The following FAT4 variants were observed in gnomAD, a reference collection of about 807,000 sequenced individuals.
FAT4 encodes the protein protocadherin Fat 4.
A neutral mutation model predicts 303.9 loss-of-function variants in FAT4; 84 were observed. That is an observed-to-expected ratio of 0.28 (90% CI 0.23 to 0.33). FAT4 has a LOEUF of 0.33. FAT4 is among the 10% of genes least tolerant of loss of function. The pLI is 1.00. For synonymous variants in FAT4, 2,307 were observed against 2,298.8 expected (o/e 1.00, Z -0.10); for missense variants, 6,005 against 6,146.8 (o/e 0.98, Z 0.77).
Position 125,491,247 on chromosome 4 carries a change from G to C in FAT4, c.14431G>C (p.Asp4811His). 1 of 1,614,118 alleles carries C rather than the reference G, an allele frequency of 6.2e-7. No homozygotes were observed. Residue 4811 changes from aspartate to histidine, a missense_variant, in exon 18 of 18, where the codon GAC becomes CAC. By Grantham distance (81) the Asp-to-His change is moderately conservative. Coordinates refer to ENST00000394329, the MANE Select transcript of FAT4 (RefSeq NM_001291303.3). ...RPRNPSICSA[D>H]HGRSSSEEDC... ...TAGAAACCCAAGTATCTGCAGTGCA[G>C]ACCATGGGAGGTCTTCTTCAGAGGA...
chr4:125,440,606 T>TGAGAGA (rs777627667), intron 8 of FAT4, among the ~76,000 whole-genome samples: 74 of 29,736 alleles, frequency 2.5e-3, no homozygotes, highest in South Asian at 8.1e-3. Context: ...TGTGTGTGTG[T>TGAGAGA]GTGTGAGAGA....
intron 10 of FAT4, among the ~76,000 whole-genome samples, chr4:125,454,362 A>C (rs1726204970): frequency 6.6e-6 from 1 of 152,246 alleles, no homozygotes; most frequent in Non-Finnish European, 1.5e-5. Flanking sequence ...TAAATGAAGA[A>C]AAAGTGGCAG....
At chr4:125,354,752 G>GAAA (rs35163847) in intron 2 of FAT4, among the ~76,000 whole-genome samples, 73 of 135,222 alleles carry the variant, frequency 5.4e-4, no homozygotes, top group African/African-American at 1.3e-3. Flanking sequence ...AGAGTTTAAT[G>GAAA]AAAAAAAAAA....
chr4:125,487,253 G>T, intron 16 of FAT4, 92 bp from the exon 17 acceptor site: 2 of 1,170,068 alleles, frequency 1.7e-6, no homozygotes, highest in Non-Finnish European at 1.2e-6. Context: ...ATCTGCTGTG[G>T]ACTGGTCAAA....
At position 125,320,153 on chromosome 4, in the gene FAT4, T is replaced by C; in HGVS notation, c.3742T>C (p.Ser1248Pro). 6.2e-7 allele frequency: 1 copy of C among 1,614,018 alleles called. No individual in the cohort carries two copies. The highest frequency in any genetic ancestry group is 8.5e-7 in the Non-Finnish European group (1 of 1,179,916). Reference sequence around the variant, plus strand: ...AGGTAATAATGGACTTATTCACTATTCTATAATAAAAGGAAATGAAGAAAG... The same window carrying C: ...AGGTAATAATGGACTTATTCACTATCCTATAATAAAAGGAAATGAAGAAAG... ...DEGNNGLIHY[S>P]IIKGNEERQF... Residue 1248 changes from serine (S) to proline (P), a missense_variant, in exon 2 of 18, where the codon TCT becomes CCT. By Grantham distance (74) the Ser-to-Pro change is moderately conservative. Coordinates refer to ENST00000394329, the MANE Select transcript of FAT4 (RefSeq NM_001291303.3).
At chr4:125,380,891 A>G (rs1291319639) in intron 2 of FAT4, among the ~76,000 whole-genome samples, 1 of 152,232 alleles carries the variant, frequency 6.6e-6, no homozygotes, top group Non-Finnish European at 1.5e-5. Context: ...TCAGGGCAGG[A>G]AAACCTAATT....
In FAT4 at chr4:125,319,767, T is replaced by C; in HGVS notation, c.3356T>C (p.Val1119Ala). 6.2e-7 allele frequency: 1 copy of C among 1,614,234 alleles called. No individual in the cohort carries two copies. The change falls in exon 2 of 18, where the codon GTG becomes GCG. Residue 1119 changes from valine (V) to alanine (A), a missense_variant. Physicochemically the swap from Val to Ala is moderately conservative, Grantham distance 64. Transcript: ENST00000394329. The stretch of plus-strand genomic sequence containing the variant: ...GAAGAGCAGAGGGCTGGGTCGTTTG[T>C]GGGCAAAGTAAGTGCTGTAGATAAA... ...FEEEQRAGSFVGKVSAVDKDF... is the reference protein window; with the variant it reads ...FEEEQRAGSFAGKVSAVDKDF...
chr4:125,476,499 G>C (rs1387036337), intron 13 of FAT4, among the ~76,000 whole-genome samples: 1 of 152,030 alleles, frequency 6.6e-6, no homozygotes, highest in Non-Finnish European at 1.5e-5. Flanking sequence ...ATAGCCAGTA[G>C]TCTTTGGAAA....
chr4:125,483,529 G>C (rs892701483), intron 16 of FAT4, among the ~76,000 whole-genome samples: 2 of 152,148 alleles, frequency 1.3e-5, no homozygotes, highest in Non-Finnish European at 2.9e-5. Context: ...GGAAAAAGCT[G>C]AATGTCAGGA....
chr4:125,478,505 T>C (rs931560204), intron 14 of FAT4, among the ~76,000 whole-genome samples: 3 of 152,130 alleles, frequency 2.0e-5, no homozygotes, highest in African/African-American at 4.8e-5. Flanking sequence ...CTGTTAGACC[T>C]TATGTCCAGA....
chr4:125,431,871 A>G (rs939928893), intron 7 of FAT4, among the ~76,000 whole-genome samples: 7 of 151,822 alleles, frequency 4.6e-5, no homozygotes, highest in African/African-American at 1.7e-4. Flanking sequence ...TTTTTATGCA[A>G]CTGGTGGGAA....
chr4:125,320,658 A>G lies in FAT4; in HGVS notation c.4247A>G (p.Asn1416Ser). 1.2e-6 allele frequency: 2 copies of G among 1,613,932 alleles called. No individual in the cohort carries two copies. The highest frequency in any genetic ancestry group is 1.1e-5 in the South Asian group (1 of 91,074). Residue 1416 changes from asparagine to serine, a missense_variant, in exon 2 of 18, where the codon AAT (asparagine) becomes AGT (serine). By Grantham distance (46) the Asn-to-Ser change is conservative. Coordinates refer to ENST00000394329, the MANE Select transcript of FAT4 (RefSeq NM_001291303.3). Reference protein sequence around the residue: ...VVIHVRDFNDNPPSFPPGDIF... With the variant: ...VVIHVRDFNDSPPSFPPGDIF... ...ATTCACGTGAGGGACTTTAATGACA[A>G]TCCTCCTAGCTTTCCTCCTGGAGAT...
intron 2 of FAT4, among the ~76,000 whole-genome samples, chr4:125,354,126 T>G (rs1732337392): frequency 6.6e-6 from 1 of 151,708 alleles, no homozygotes. Flanking sequence ...TTTATAATAT[T>G]TTGGAAAAAT....
At chr4:125,453,163 G>A (rs1258821132) in intron 10 of FAT4, among the ~76,000 whole-genome samples, 2 of 152,062 alleles carry the variant, frequency 1.3e-5, no homozygotes. Context: ...TAATCTCGTA[G>A]CGTCTCTTAC....
intron 16 of FAT4, among the ~76,000 whole-genome samples, chr4:125,485,187 A>G (rs1000223230): frequency 3.3e-5 from 5 of 152,084 alleles, no homozygotes; most frequent in Non-Finnish European, 7.4e-5. Flanking sequence ...AGACTTTATA[A>G]ACACTGTATG....
intron 15 of FAT4, among the ~76,000 whole-genome samples, chr4:125,480,438 A>C (rs1272039254): frequency 2.0e-5 from 3 of 152,144 alleles, no homozygotes; most frequent in Admixed American, 2.0e-4. Context: ...TGTTCATATC[A>C]TCATTAGAAA....
In FAT4 at chr4:125,319,569, A is replaced by G; in HGVS notation, c.3158A>G (p.Tyr1053Cys). Residue 1053 changes from tyrosine to cysteine, a missense_variant, in exon 2 of 18, where the codon TAT becomes TGT. Transcript: ENST00000394329. Reference sequence around the variant, plus strand: ...GGCATATTCCCAGATGGTCAATTGTATATAAAAAGTGAACTGGACCGTGAA... The same window carrying G: ...GGCATATTCCCAGATGGTCAATTGTGTATAAAAAGTGAACTGGACCGTGAA... ...AFGIFPDGQL[Y>C]IKSELDRELQ... 1 of 1,614,160 alleles carries G rather than the reference A, an allele frequency of 6.2e-7. No individual in the cohort carries two copies. The highest frequency in any genetic ancestry group is 8.5e-7 in the Non-Finnish European group (1 of 1,179,982).
intron 11 of FAT4, among the ~76,000 whole-genome samples, chr4:125,466,979 G>A (rs1478873399): frequency 5.9e-5 from 9 of 151,588 alleles, no homozygotes; most frequent in Non-Finnish European, 8.8e-5. Context: ...GGGTTTCACC[G>A]TGTTAGCCAG....
chr4:125,492,873 A>G lies in FAT4; in HGVS notation c.*1105A>G, dbSNP rs1373840424. ...TTTTTCTCATTTTGATATTTGTAAC[A>G]TACTGTATGCTTTCTACTTGTAAAT... is the stretch of plus-strand genomic sequence containing the variant. On this transcript the variant is annotated 3_prime_UTR_variant, in exon 18 of 18. Coordinates refer to ENST00000394329, the MANE Select transcript of FAT4 (RefSeq NM_001291303.3). 1.3e-5 allele frequency: 2 copies of G among 152,504 alleles called. No homozygotes were observed. The highest frequency in any genetic ancestry group is 2.9e-5 in the Non-Finnish European group (2 of 68,014). 9.4% of individuals were successfully genotyped at this position (152,504 alleles called of 1,614,324 possible). A position where few individuals can be genotyped will look rare whatever the true frequency, so the allele number is the denominator to read the frequency against.
Sources: gnomAD v4.1 joint callset for allele counts (sites outside exome capture counted in the v4.1 genomes callset) on GRCh38, gnomAD v4.1.1 for gene constraint, MANE v1.5 for transcripts, NCBI Gene and HGNC (gene_info 2026-07-23, HGNC 2026-07-21) for gene names.